Variants in CBL observed in about 807,000 individuals in gnomAD.
CBL encodes E3 ubiquitin-protein ligase CBL.
In CBL, 45 loss-of-function variants were observed where a neutral mutation model predicts 96.9. The observed-to-expected ratio is 0.46, with a 90% CI of 0.37 to 0.60. CBL has a LOEUF of 0.60. Among genes scored for constraint, CBL ranks in the 20% least tolerant of loss-of-function variants. The probability of loss-of-function intolerance (pLI) is 0.00; values close to 1 mark genes in which losing one functional copy is unlikely to be tolerated. For missense variants in CBL, 1,024 were observed against 1,143.5 expected, an observed-to-expected ratio of 0.90 and a Z score of 1.51; for synonymous variants, 420 against 426.8, an observed-to-expected ratio of 0.98 and a Z score of 0.20.
At chr11:119,256,688 T>G (rs1235593561) in intron 2 of CBL, among the ~76,000 whole-genome samples, 1 of 96,618 alleles carries the variant, frequency 1.0e-5, no homozygotes, top group Non-Finnish European at 2.7e-5. Context: ...TGTAGTTTGT[T>G]TTTTTTTTTT....
At chr11:119,268,342 C>G (rs1949819183) in intron 2 of CBL, among the ~76,000 whole-genome samples, 1 of 152,054 alleles carries the variant, frequency 6.6e-6, no homozygotes, top group Non-Finnish European at 1.5e-5. Flanking sequence ...GGAATGACCA[C>G]AGATTGGCAA....
At chr11:119,273,387 A>G (rs1022637975) in intron 3 of CBL, among the ~76,000 whole-genome samples, 4 of 152,256 alleles carry the variant, frequency 2.6e-5, no homozygotes, top group Middle Eastern at 3.4e-3. Flanking sequence ...CCTGGATGAC[A>G]TTACAAGACC....
chr11:119,273,913 G>A lies in CBL; in HGVS notation c.636G>A (p.Val212=), dbSNP rs1188611829. The A allele has an allele frequency of 6.2e-7, 1 of 1,614,002 alleles. No homozygotes were observed. The highest frequency in any genetic ancestry group is 8.5e-7 in the Non-Finnish European group (1 of 1,179,896). Residue 212 remains valine, a synonymous_variant, in exon 4 of 16, where the codon GTG becomes GTA. Transcript: ENST00000264033. ...GCTTTCGACAGGCTCTACATGAAGTGCATCCCATCAGTTCTGGGCTGGAGG... is the reference window on the plus strand; with the variant it reads ...GCTTTCGACAGGCTCTACATGAAGTACATCCCATCAGTTCTGGGCTGGAGG... ...WKSFRQALHE[V]HPISSGLEAM...
chr11:119,307,768 C>G lies in CBL; in HGVS notation c.*7987C>G. The G allele has an allele frequency of 4.6e-6, 1 of 218,712 alleles. No individual in the cohort carries two copies. The highest frequency in any genetic ancestry group is 9.2e-6 in the Non-Finnish European group (1 of 108,784). The allele number at this position is 218,712 out of a possible 1,614,324, so 13.5% of individuals were successfully genotyped here. ...TGCTGGAGAGAACCTGATGCTTTCT[C>G]CAGAATGAAGAGTCCCAATTTGTAT... On this transcript the variant is annotated 3_prime_UTR_variant, in exon 16 of 16. Coordinates refer to ENST00000264033, the MANE Select transcript of CBL (RefSeq NM_005188.4).
In CBL at chr11:119,276,119, G is replaced by A; in HGVS notation, c.992G>A (p.Gly331Asp). The change falls in exon 6 of 16, where the codon GGC (glycine) becomes GAC (aspartate). Residue 331 changes from glycine to aspartate, a missense_variant. Coordinates refer to ENST00000264033, the MANE Select transcript of CBL (RefSeq NM_005188.4). ...CCTCTCTTCCAAGCACTGATTGATG[G>A]CTTCAGGGAAGGCTTGTGAGTACCT... is the stretch of plus-strand genomic sequence containing the variant. ...NKPLFQALID[G>D]FREGFYLFPD... The A allele has an allele frequency of 6.2e-7, 1 of 1,614,084 alleles. No individual in the cohort carries two copies. The highest frequency in any genetic ancestry group is 8.5e-7 in the Non-Finnish European group (1 of 1,179,988).
chr11:119,227,653 C>G (rs1337013350), intron 1 of CBL, among the ~76,000 whole-genome samples: 1 of 151,866 alleles, frequency 6.6e-6, no homozygotes, highest in African/African-American at 2.4e-5. Flanking sequence ...CGGGTTCAAG[C>G]AATTCTCCTG....
At chr11:119,246,681 A>G (rs1949634267) in intron 2 of CBL, among the ~76,000 whole-genome samples, 1 of 151,908 alleles carries the variant, frequency 6.6e-6, no homozygotes, top group African/African-American at 2.4e-5. Flanking sequence ...TGAACTCCTG[A>G]CCTCAAGTGA....
chr11:119,256,605 A>G (rs1478623837), intron 2 of CBL, among the ~76,000 whole-genome samples: 2 of 151,680 alleles, frequency 1.3e-5, no homozygotes, highest in Non-Finnish European at 2.9e-5. Flanking sequence ...TTTTGATTAT[A>G]TGAATGAATT....
Position 119,301,227 on chromosome 11 carries a change from C to G in CBL, c.*1446C>G, listed in dbSNP as rs1950099521. On this transcript the variant is annotated 3_prime_UTR_variant, in exon 16 of 16. Transcript: ENST00000264033. ...TTCTTCACGGTAATTAGACATCATTCAGTGAATAAATTACTGTAGTCAAAG... is the reference window on the plus strand; with the variant it reads ...TTCTTCACGGTAATTAGACATCATTGAGTGAATAAATTACTGTAGTCAAAG... 8.6e-6 allele frequency: 2 copies of G among 233,090 alleles called. No individual in the cohort carries two copies. Among genetic ancestry groups the G allele is most frequent in the Non-Finnish European group, 1.7e-5 (2 of 118,020 alleles). 14.4% of individuals were successfully genotyped at this position (233,090 alleles called of 1,614,324 possible). A position where few individuals can be genotyped will look rare whatever the true frequency, so the allele number is the denominator to read the frequency against.
At chr11:119,237,615 C>T (rs1432330906) in intron 2 of CBL, among the ~76,000 whole-genome samples, 1 of 152,154 alleles carries the variant, frequency 6.6e-6, no homozygotes, top group Non-Finnish European at 1.5e-5. Context: ...CCCTTTGTCT[C>T]AGCACCATCT....
chr11:119,280,561 T>C (rs977266480), intron 9 of CBL, among the ~76,000 whole-genome samples: 8 of 152,172 alleles, frequency 5.3e-5, no homozygotes, highest in African/African-American at 1.4e-4. Flanking sequence ...TTTTTTAATA[T>C]ACTGAATCTA....
Position 119,306,313 on chromosome 11 carries a change from A to G in CBL, c.*6532A>G, listed in dbSNP as rs1374763076. 5.0e-6 allele frequency: 2 copies of G among 398,528 alleles called. No homozygotes were observed. The highest frequency in any genetic ancestry group is 8.8e-6 in the Non-Finnish European group (2 of 226,106). The allele number at this position is 398,528 out of a possible 1,614,324, so 24.7% of individuals were successfully genotyped here. ...AGCAAAGCCCAAAAGCCAACCTCAGATCTCCTGATTTGGCAGCTGAAGAAA... is the reference window on the plus strand; with the variant it reads ...AGCAAAGCCCAAAAGCCAACCTCAGGTCTCCTGATTTGGCAGCTGAAGAAA... On this transcript the variant is annotated 3_prime_UTR_variant, in exon 16 of 16. Transcript: ENST00000264033.
chr11:119,289,904 G>A (rs1401870739), intron 12 of CBL, among the ~76,000 whole-genome samples: 1 of 151,962 alleles, frequency 6.6e-6, no homozygotes. Flanking sequence ...CACCATGCCT[G>A]GCTAGGTTTT....
intron 9 of CBL, among the ~76,000 whole-genome samples, chr11:119,280,798 G>C (rs1441000209): frequency 6.6e-6 from 1 of 152,006 alleles, no homozygotes; most frequent in Non-Finnish European, 1.5e-5. Context: ...TTGTGGGAGA[G>C]GGTTTAGGTC....
chr11:119,228,825 T>C (rs1357067832), intron 1 of CBL, among the ~76,000 whole-genome samples: 1 of 151,290 alleles, frequency 6.6e-6, no homozygotes, highest in East Asian at 2.0e-4. Context: ...TTTTTTTTTT[T>C]TGGAGACGTG....
chr11:119,271,979 CTG>C (rs1949852668), intron 3 of CBL, 98 bp downstream of exon 3: 1 of 1,166,202 alleles, frequency 8.6e-7, no homozygotes, highest in South Asian at 1.3e-5. Flanking sequence ...TTTGGGAACT[CTG>C]AGAAAAGTAA....
At chr11:119,279,723 C>T (rs189654336) in intron 9 of CBL, among the ~76,000 whole-genome samples, 18 of 152,210 alleles carry the variant, frequency 1.2e-4, no homozygotes, top group South Asian at 8.3e-4. Context: ...TAAGCATATA[C>T]GTAGAAAAAC....
intron 9 of CBL, among the ~76,000 whole-genome samples, chr11:119,280,402 A>C (rs926865425): frequency 1.3e-5 from 2 of 152,222 alleles, no homozygotes; most frequent in Non-Finnish European, 2.9e-5. Context: ...TGAGTAAAAT[A>C]ATTTGAGTGA....
intron 2 of CBL, among the ~76,000 whole-genome samples, chr11:119,269,870 G>A (rs866357691): frequency 4.6e-5 from 7 of 152,046 alleles, no homozygotes; most frequent in African/African-American, 7.2e-5. Flanking sequence ...GGTGGCGGGC[G>A]CCTGTAGTCC....
Sources: allele counts gnomAD v4.1 joint callset (sites outside exome capture counted in the v4.1 genomes callset), GRCh38; gene constraint gnomAD v4.1.1; transcripts MANE v1.5; gene names NCBI Gene and HGNC (gene_info 2026-07-23, HGNC 2026-07-21).